Variants in ZNF407 observed in about 807,000 individuals in gnomAD.
The protein encoded by ZNF407 is zinc finger protein 407.
In ZNF407, 17 loss-of-function variants were observed where a neutral mutation model predicts 131.2. The observed-to-expected ratio is 0.13, with a 90% CI of 0.09 to 0.19. The LOEUF (loss-of-function observed/expected upper bound fraction) is 0.19, where lower values mean the gene tolerates loss of function less well. ZNF407 is among the 10% of genes least tolerant of loss of function. The pLI is 1.00. For missense variants in ZNF407, 2,681 were observed against 2,830.6 expected, an observed-to-expected ratio of 0.95 and a Z score of 1.20; for synonymous variants, 1,156 against 1,062.0, an observed-to-expected ratio of 1.09 and a Z score of -1.72.
Position 75,063,132 on chromosome 18 carries a change from G to A in ZNF407, c.5429-18G>A. ...CGAGTACTTTTTCCAGGCTCTAACT[G>A]GTCCCTGTCTCCCTTAGGCATTGTT... is the stretch of plus-strand genomic sequence containing the variant. On this transcript the variant is annotated intron_variant, in intron 8 of 8. Coordinates refer to ENST00000299687, the MANE Select transcript of ZNF407 (RefSeq NM_017757.3). The surrounding 1 kb of genome is among the most constrained non-coding windows in gnomAD (Gnocchi z 6.6). 6.5e-7 allele frequency: 1 copy of A among 1,542,144 alleles called. No homozygotes were observed. The highest frequency in any genetic ancestry group is 8.7e-7 in the Non-Finnish European group (1 of 1,143,390).
intron 4 of ZNF407, among the ~76,000 whole-genome samples, chr18:74,860,841 A>C (rs998137893): frequency 1.3e-5 from 2 of 152,176 alleles, no homozygotes; most frequent in Non-Finnish European, 2.9e-5. Context: ...ATTCATTATA[A>C]GACATGGCAG....
chr18:74,800,733 G>A (rs973790049), intron 4 of ZNF407, among the ~76,000 whole-genome samples: 1 of 152,056 alleles, frequency 6.6e-6, no homozygotes, highest in Non-Finnish European at 1.5e-5. Context: ...TTTTTGATTA[G>A]TTTGCTTCCT....
At chr18:74,722,268 C>T (rs1421804546) in intron 3 of ZNF407, among the ~76,000 whole-genome samples, 1 of 151,966 alleles carries the variant, frequency 6.6e-6, no homozygotes, top group Non-Finnish European at 1.5e-5. Flanking sequence ...TAGATTTTTC[C>T]ATAGGTCTCT....
At chr18:74,895,217 T>A (rs547802973) in intron 7 of ZNF407, among the ~76,000 whole-genome samples, 1 of 152,158 alleles carries the variant, frequency 6.6e-6, no homozygotes, top group East Asian at 1.9e-4. Context: ...AGAGGTTTTT[T>A]TTTTTTCTTT....
rs146711848 is a variant in ZNF407 at position 74,780,370 on chromosome 18, T to C, written c.4803-1058T>C. ...TCTTTTCTGCAAGGATACAGTACTT[T>C]ACAGTCTTATGTGGCTCATTTGTGC... On this transcript the variant is annotated intron_variant, in intron 3 of 8. Transcript: ENST00000299687. 2.3e-3 allele frequency among the ~76,000 whole-genome samples: 356 copies of C among 152,338 alleles called. 2 individuals carry two copies. Among genetic ancestry groups the C allele is most frequent in the African/African-American group, 8.2e-3 (339 of 41,584 alleles).
At chr18:74,898,393 TAGAAAAAG>T (rs1971480905) in intron 7 of ZNF407, 1 of 152,246 alleles carries the variant, frequency 6.6e-6, no homozygotes, top group Non-Finnish European at 1.5e-5. Context: ...TTAGAAGTTC[TAGAAAAAG>T]AACTACTTCT....
At chr18:74,626,514 A>C (rs1393469534) in intron 1 of ZNF407, among the ~76,000 whole-genome samples, 2 of 152,170 alleles carry the variant, frequency 1.3e-5, no homozygotes, top group Non-Finnish European at 2.9e-5. Flanking sequence ...ACTCCCGCAG[A>C]ATATTATCTC....
intron 3 of ZNF407, among the ~76,000 whole-genome samples, chr18:74,644,610 C>T (rs1411278010): frequency 6.6e-6 from 1 of 151,888 alleles, no homozygotes; most frequent in South Asian, 2.1e-4. Flanking sequence ...AGTATTTATG[C>T]AGTGCATTGT....
intron 3 of ZNF407, among the ~76,000 whole-genome samples, chr18:74,759,245 T>A (rs938859962): frequency 6.6e-6 from 1 of 152,182 alleles, no homozygotes; most frequent in Admixed American, 6.5e-5. Context: ...GATGACTGAC[T>A]TGACTCTGTT....
intron 3 of ZNF407, among the ~76,000 whole-genome samples, chr18:74,670,311 T>A (rs1986092297): frequency 6.6e-6 from 1 of 152,176 alleles, no homozygotes; most frequent in African/African-American, 2.4e-5. Flanking sequence ...ATTATTTTCT[T>A]AAAAAATTGG....
At chr18:74,854,407 C>T (rs1970831386) in intron 4 of ZNF407, among the ~76,000 whole-genome samples, 1 of 152,172 alleles carries the variant, frequency 6.6e-6, no homozygotes, top group South Asian at 2.1e-4. Context: ...GCATCTCTTA[C>T]AAAATTCATA....
At chr18:74,614,559 G>T (rs1186691711) in intron 1 of ZNF407, among the ~76,000 whole-genome samples, 3 of 151,980 alleles carry the variant, frequency 2.0e-5, no homozygotes, top group African/African-American at 4.8e-5. Context: ...TTTTTTTGAA[G>T]AGTTATGAGA....
intron 4 of ZNF407, among the ~76,000 whole-genome samples, chr18:74,839,785 T>C (rs552989613): frequency 1.8e-4 from 27 of 152,134 alleles, no homozygotes; most frequent in South Asian, 1.5e-3. Flanking sequence ...TTTATGAAGA[T>C]TTTACCAAGA....
chr18:74,683,081 G>C (rs1324262597), intron 3 of ZNF407, among the ~76,000 whole-genome samples: 2 of 152,178 alleles, frequency 1.3e-5, no homozygotes, highest in Non-Finnish European at 2.9e-5. Flanking sequence ...AGATGTAATT[G>C]TAACCAGGTG....
At chr18:74,999,348 T>TAAAAAAAA (rs71170334) in intron 8 of ZNF407, among the ~76,000 whole-genome samples, 7 of 60,480 alleles carry the variant, frequency 1.2e-4, no homozygotes, top group African/African-American at 3.6e-4. Context: ...TAGAGTATAA[T>TAAAAAAAA]AAAAAAAAAA....
chr18:75,012,058 T>C (rs993730181), intron 8 of ZNF407, among the ~76,000 whole-genome samples: 4 of 152,178 alleles, frequency 2.6e-5, no homozygotes, highest in Admixed American at 1.3e-4. Context: ...TGGTTATTGA[T>C]ATATTTAAAT....
intron 7 of ZNF407, among the ~76,000 whole-genome samples, chr18:74,912,099 ATC>A (rs1568266315): frequency 6.6e-6 from 1 of 152,076 alleles, no homozygotes; most frequent in African/African-American, 2.4e-5. Context: ...TTTGTTTAGA[ATC>A]TCTGTGTGCT....
At position 74,813,372 on chromosome 18, in the gene ZNF407, A is replaced by G. The variant is rs139888071; in HGVS notation, c.4877+31870A>G. Among the ~76,000 whole-genome samples the G allele has an allele frequency of 6.4e-3, 981 of 152,264 alleles. 10 individuals are homozygous for G. Among genetic ancestry groups the G allele is most frequent in the African/African-American group, 0.021 (858 of 41,548 alleles). ...TCACACTCTGCGCAGCTTCAGATCC[A>G]TGGAGGTGAGGCACTGTCAGGTCCA... On this transcript the variant is annotated intron_variant, in intron 4 of 8. Coordinates refer to ENST00000299687, the MANE Select transcript of ZNF407 (RefSeq NM_017757.3).
At chr18:74,997,163 C>T (rs1403587265) in intron 8 of ZNF407, among the ~76,000 whole-genome samples, 1 of 152,210 alleles carries the variant, frequency 6.6e-6, no homozygotes, top group African/African-American at 2.4e-5. Context: ...CTTTATGAAA[C>T]AGAGAATGCA....
Sources: gnomAD v4.1 joint callset for allele counts (sites outside exome capture counted in the v4.1 genomes callset) on GRCh38, gnomAD v4.1.1 for gene constraint, Gnocchi (gnomAD v3.1) non-coding constraint, MANE v1.5 for transcripts, NCBI Gene and HGNC (gene_info 2026-07-23, HGNC 2026-07-21) for gene names.